The following ATP8A2 variants were observed in gnomAD, a reference collection of about 807,000 sequenced individuals.
The protein encoded by ATP8A2 is phospholipid-transporting ATPase IB.
In ATP8A2, 100 loss-of-function variants were observed where a neutral mutation model predicts 165.6. The ratio of observed to expected loss-of-function variants is 0.60; its 90% confidence interval spans 0.51 to 0.71. The LOEUF (loss-of-function observed/expected upper bound fraction) is 0.71. ATP8A2 is among the 30% of genes least tolerant of loss of function. ATP8A2 has a pLI of 0.00. For synonymous variants in ATP8A2, 543 were observed against 548.8 expected (o/e 0.99, Z 0.15); for missense variants, 1,227 against 1,479.5 (o/e 0.83, Z 2.80).
intron 35 of ATP8A2, among the ~76,000 whole-genome samples, chr13:26,001,262 C>T (rs1956626682): frequency 6.6e-6 from 1 of 152,224 alleles, no homozygotes; most frequent in South Asian, 2.1e-4. Context: ...GCATAGACCA[C>T]ATTTGCTTAC....
rs1001482936 is a variant in ATP8A2 at position 25,860,236 on chromosome 13, G to A, written c.2998G>A (p.Val1000Ile). The A allele has an allele frequency of 6.2e-7, 1 of 1,611,272 alleles. No homozygotes were observed. Among genetic ancestry groups the A allele is most frequent in the Non-Finnish European group, 8.5e-7 (1 of 1,177,826 alleles). Reference protein sequence around the residue: ...TSGHATDYLFVGNIVYTYVVV... With the variant: ...TSGHATDYLFIGNIVYTYVVV... ...TGGTCATGCTACCGACTATTTATTT[G>A]TTGGAAATATTGTTTACACAGTAAG... Residue 1000 changes from valine to isoleucine, a missense_variant, in exon 31 of 37, where the codon GTT (valine) becomes ATT (isoleucine). Transcript: ENST00000381655.
chr13:25,932,056 AAAAAAAG>A (rs1323088726), intron 33 of ATP8A2, among the ~76,000 whole-genome samples: 2 of 151,690 alleles, frequency 1.3e-5, no homozygotes, highest in Non-Finnish European at 2.9e-5. Context: ...CTCAAAAAAA[AAAAAAAG>A]AAAGAAAGAA....
At chr13:25,759,270 A>T (rs1461821192) in intron 25 of ATP8A2, among the ~76,000 whole-genome samples, 1 of 152,176 alleles carries the variant, frequency 6.6e-6, no homozygotes, top group Non-Finnish European at 1.5e-5. Flanking sequence ...TTCTGTGCAC[A>T]GGTGATGGGT....
intron 27 of ATP8A2, among the ~76,000 whole-genome samples, chr13:25,804,166 A>G (rs766706567): frequency 3.9e-5 from 6 of 152,186 alleles, no homozygotes; most frequent in Non-Finnish European, 8.8e-5. Flanking sequence ...TTTTTCCAGT[A>G]TGTATAAAAT....
intron 25 of ATP8A2, among the ~76,000 whole-genome samples, chr13:25,717,820 G>A (rs1157311539): frequency 6.6e-6 from 1 of 152,174 alleles, no homozygotes; most frequent in South Asian, 2.1e-4. Flanking sequence ...TGTAGTATGT[G>A]CTTGGTTGTG....
At chr13:25,785,474 T>C (rs1470581360) in intron 27 of ATP8A2, among the ~76,000 whole-genome samples, 2 of 152,210 alleles carry the variant, frequency 1.3e-5, no homozygotes, top group Admixed American at 6.5e-5. Flanking sequence ...CATTCTTATG[T>C]AGTTGACTTT....
intron 24 of ATP8A2, among the ~76,000 whole-genome samples, chr13:25,670,610 C>T (rs1251783844): frequency 6.6e-6 from 1 of 152,214 alleles, no homozygotes; most frequent in Non-Finnish European, 1.5e-5. Flanking sequence ...GTATAGCTAA[C>T]ATAAATGTGA....
intron 1 of ATP8A2, among the ~76,000 whole-genome samples, chr13:25,459,104 C>T (rs1018526327): frequency 3.3e-5 from 5 of 152,192 alleles, no homozygotes; most frequent in Non-Finnish European, 7.3e-5. Context: ...CCCAACTATT[C>T]CCCATGCCCC....
rs138859031 is a variant in ATP8A2 at position 25,822,445 on chromosome 13, T to C, written c.2680-5673T>C. ...GGGTATTACAGTGTTGTTTCCCCAG[T>C]TTACCAAACTTTTATATTTTTACCC... On this transcript the variant is annotated intron_variant, in intron 27 of 36. Transcript: ENST00000381655. Among the ~76,000 whole-genome samples the C allele has an allele frequency of 1.8e-3, 278 of 152,284 alleles. 1 individual carries two copies. The highest frequency in any genetic ancestry group is 6.3e-3 in the African/African-American group (263 of 41,562).
At chr13:25,594,053 T>G (rs1445839641) in intron 24 of ATP8A2, among the ~76,000 whole-genome samples, 1 of 152,238 alleles carries the variant, frequency 6.6e-6, no homozygotes, top group Non-Finnish European at 1.5e-5. Flanking sequence ...ATAAACTTTG[T>G]CCTAAATGTA....
At chr13:26,008,712 G>C (rs568880884) in intron 35 of ATP8A2, among the ~76,000 whole-genome samples, 3 of 152,262 alleles carry the variant, frequency 2.0e-5, no homozygotes, top group African/African-American at 7.2e-5. Context: ...GCAACCAGAA[G>C]GAAAAGACAG....
chr13:25,606,963 T>C (rs925639875), intron 24 of ATP8A2, among the ~76,000 whole-genome samples: 5 of 152,110 alleles, frequency 3.3e-5, no homozygotes, highest in African/African-American at 1.2e-4. Flanking sequence ...GTCCATGGCC[T>C]GTTAGGAACT....
chr13:25,489,460 T>C (rs1166722472), intron 2 of ATP8A2, among the ~76,000 whole-genome samples: 2 of 152,190 alleles, frequency 1.3e-5, no homozygotes, highest in Non-Finnish European at 2.9e-5. Flanking sequence ...TGCCGCAGCG[T>C]TTCTCAGACT....
At chr13:25,628,601 A>G (rs1464416562) in intron 24 of ATP8A2, among the ~76,000 whole-genome samples, 1 of 151,966 alleles carries the variant, frequency 6.6e-6, no homozygotes, top group Non-Finnish European at 1.5e-5. Flanking sequence ...GTCATCTCAC[A>G]GTCTGGAGGC....
At chr13:25,478,663 T>C (rs1028298458) in intron 2 of ATP8A2, among the ~76,000 whole-genome samples, 1 of 152,194 alleles carries the variant, frequency 6.6e-6, no homozygotes, top group Non-Finnish European at 1.5e-5. Flanking sequence ...ATGATGTTAG[T>C]CACTCTGATG....
intron 24 of ATP8A2, among the ~76,000 whole-genome samples, chr13:25,676,365 G>A (rs1189795920): frequency 1.3e-5 from 2 of 151,964 alleles, no homozygotes; most frequent in Non-Finnish European, 2.9e-5. Flanking sequence ...CTCTTCCCCC[G>A]GCTTGAGTTG....
At position 25,533,324 on chromosome 13, in the gene ATP8A2, A is replaced by T; in HGVS notation, c.507+11A>T. ...ATTATGTGGAAAGAGGTAAAAACTAATTTTAAAGATGTACCAGTACTATTG... is the reference window on the plus strand; with the variant it reads ...ATTATGTGGAAAGAGGTAAAAACTATTTTTAAAGATGTACCAGTACTATTG... On this transcript the variant is annotated intron_variant, in intron 6 of 36. Coordinates refer to ENST00000381655, the MANE Select transcript of ATP8A2 (RefSeq NM_016529.6). The T allele has an allele frequency of 6.9e-7, 1 of 1,441,456 alleles. No individual in the cohort carries two copies. The highest frequency in any genetic ancestry group is 9.7e-7 in the Non-Finnish European group (1 of 1,027,666). 89.3% of individuals were successfully genotyped at this position (1,441,456 alleles called of 1,614,324 possible).
At chr13:25,740,308 C>CAAAAAAA (rs1229327243) in intron 25 of ATP8A2, among the ~76,000 whole-genome samples, 6 of 67,506 alleles carry the variant, frequency 8.9e-5, no homozygotes, top group African/African-American at 3.5e-4. Context: ...GGCTCTATCT[C>CAAAAAAA]AAAAAAAAAA....
chr13:25,513,562 G>A (rs1370237423), intron 2 of ATP8A2, among the ~76,000 whole-genome samples: 1 of 152,076 alleles, frequency 6.6e-6, no homozygotes, highest in Non-Finnish European at 1.5e-5. Flanking sequence ...GGTGGCGGCC[G>A]GGCAGAGGCT....
Sources: gnomAD v4.1 joint callset for allele counts (sites outside exome capture counted in the v4.1 genomes callset) on GRCh38, gnomAD v4.1.1 for gene constraint, MANE v1.5 for transcripts, NCBI Gene and HGNC (gene_info 2026-07-23, HGNC 2026-07-21) for gene names.